The following IL7 variants were observed in gnomAD, a reference collection of about 807,000 sequenced individuals.
The protein encoded by IL7 is interleukin 7, also known as interleukin-7.
IL7 carries 3 observed loss-of-function variants against 21.6 expected under a neutral mutation model. The ratio of observed to expected loss-of-function variants is 0.14; its 90% CI spans 0.06 to 0.36. IL7 has a LOEUF of 0.36. Ranked by LOEUF, IL7 falls within the 10% of genes least tolerant of loss-of-function variation. The probability of loss-of-function intolerance (pLI) is 1.00; values close to 1 mark genes in which losing one functional copy is unlikely to be tolerated. For synonymous variants in IL7, 62 were observed against 68.1 expected, an observed-to-expected ratio of 0.91 and a Z score of 0.44; for missense variants, 175 against 200.2, an observed-to-expected ratio of 0.87 and a Z score of 0.76.
At chr8:78,689,078 TG>T (rs1810122053) in intron 3 of IL7, 5 of 445,136 alleles carry the variant, frequency 1.1e-5, no homozygotes, top group Non-Finnish European at 1.8e-5. Flanking sequence ...CAAGTAAAAC[TG>T]GGTAGTTATA....
intron 2 of IL7, among the ~76,000 whole-genome samples, chr8:78,796,455 A>C (rs766760585): frequency 3.9e-5 from 6 of 152,000 alleles, no homozygotes; most frequent in Non-Finnish European, 8.8e-5. Flanking sequence ...ACACACATAT[A>C]ATTATTTACA....
At chr8:78,714,453 T>C (rs1462231617), downstream of IL7, among the ~76,000 whole-genome samples, 2 of 152,194 alleles carry the variant, frequency 1.3e-5, no homozygotes, top group African/African-American at 4.8e-5. Flanking sequence ...GTACTTTTTT[T>C]CTCATAACCT....
chr8:78,700,177 T>C (rs1810554774), intron 3 of IL7, among the ~76,000 whole-genome samples: 1 of 152,254 alleles, frequency 6.6e-6, no homozygotes, highest in Non-Finnish European at 1.5e-5. Context: ...TGTGAGATAA[T>C]ACCTCATTGT....
At chr8:78,798,003 A>C in intron 2 of IL7, 69 bp downstream of exon 2, 1 of 1,248,566 alleles carries the variant, frequency 8.0e-7, no homozygotes, top group Non-Finnish European at 1.1e-6. Context: ...TGATTATAAA[A>C]CTGCATACCA....
intron 3 of IL7, among the ~76,000 whole-genome samples, chr8:78,726,971 G>A (rs1811350713): frequency 2.0e-5 from 3 of 151,954 alleles, no homozygotes; most frequent in South Asian, 4.1e-4. Context: ...AAGGGACAGA[G>A]ATCCTTTCAG....
At chr8:78,760,818 C>G in intron 2 of IL7, 1 of 1,546,500 alleles carries the variant, frequency 6.5e-7, no homozygotes, top group Non-Finnish European at 8.7e-7. Flanking sequence ...GTGGCTTCCT[C>G]AAACCAAAAT....
intron 3 of IL7, among the ~76,000 whole-genome samples, chr8:78,694,735 A>G (rs772044709): frequency 2.0e-5 from 3 of 152,136 alleles, no homozygotes; most frequent in Non-Finnish European, 4.4e-5. Context: ...ACTTTTTCCA[A>G]TTTCATTAGT....
intron 2 of IL7, among the ~76,000 whole-genome samples, chr8:78,797,188 T>A (rs998890994): frequency 6.6e-6 from 1 of 151,990 alleles, no homozygotes. Flanking sequence ...TCTAACTATA[T>A]GACATTCTAA....
chr8:78,755,347 T>C (rs1812313632), intron 2 of IL7, among the ~76,000 whole-genome samples: 1 of 152,146 alleles, frequency 6.6e-6, no homozygotes, highest in African/African-American at 2.4e-5. Context: ...GGACTGTTTT[T>C]TCTCTTTCTG....
rs141443912 is a variant in IL7, at chr8:78,784,149, C to T, written c.147+13923G>A. ...TGTTGTCGTTAGAAAGTGAGGCCTT[C>T]GGGAGGTAATTAAGTCATGAAGGTG... On this transcript the variant is annotated intron_variant, in intron 2 of 5. Coordinates refer to ENST00000263851, the MANE Select transcript of IL7 (RefSeq NM_000880.4). Among the ~76,000 whole-genome samples the T allele has an allele frequency of 2.2e-3, 332 of 152,196 alleles. 12 individuals are homozygous for T. In the East Asian group the frequency reaches 0.06, roughly 28 times the overall value.
intron 4 of IL7, among the ~76,000 whole-genome samples, chr8:78,678,332 G>T (rs1385073295): frequency 6.6e-6 from 1 of 152,114 alleles, no homozygotes; most frequent in African/African-American, 2.4e-5. Flanking sequence ...CATGTTAGAA[G>T]AGTGTTTATA....
chr8:78,729,596 G>GA (rs1811389234), downstream of IL7, among the ~76,000 whole-genome samples: 1 of 151,880 alleles, frequency 6.6e-6, no homozygotes. Flanking sequence ...CAGCTCTGGG[G>GA]ATGCCAGGCA....
chr8:78,692,682 A>G (rs1048062368), intron 3 of IL7, among the ~76,000 whole-genome samples: 8 of 152,000 alleles, frequency 5.3e-5, no homozygotes, highest in Non-Finnish European at 1.0e-4. Flanking sequence ...TACCTGTAGG[A>G]TGGTTATATA....
chr8:78,768,075 C>A (rs1293045334), intron 2 of IL7, among the ~76,000 whole-genome samples: 1 of 152,148 alleles, frequency 6.6e-6, no homozygotes, highest in Non-Finnish European at 1.5e-5. Context: ...CCAATTTCAT[C>A]CACGTCCCTA....
chr8:78,769,814 A>AT (rs1812891501), intron 2 of IL7, among the ~76,000 whole-genome samples: 1 of 152,216 alleles, frequency 6.6e-6, no homozygotes, highest in South Asian at 2.1e-4. Context: ...CCAAAACAAC[A>AT]TGATACTGGT....
chr8:78,704,941 C>G (rs1202732949), intron 3 of IL7, among the ~76,000 whole-genome samples: 1 of 152,154 alleles, frequency 6.6e-6, no homozygotes, highest in Non-Finnish European at 1.5e-5. Context: ...TGTTTTTCAG[C>G]TTTATCAGGT....
intron 2 of IL7, among the ~76,000 whole-genome samples, chr8:78,750,590 A>G (rs1812133683): frequency 6.6e-6 from 1 of 152,162 alleles, no homozygotes; most frequent in African/African-American, 2.4e-5. Flanking sequence ...TTGAGAGGCC[A>G]AGGCAGGCAG....
chr8:78,707,980 G>C (rs1487484769), intron 3 of IL7, among the ~76,000 whole-genome samples: 1 of 151,548 alleles, frequency 6.6e-6, no homozygotes, highest in Non-Finnish European at 1.5e-5. Flanking sequence ...AGAATGCCTA[G>C]GCTAACAAAA....
intron 2 of IL7, among the ~76,000 whole-genome samples, chr8:78,769,484 G>A (rs1362952656): frequency 6.6e-6 from 1 of 152,156 alleles, no homozygotes; most frequent in Non-Finnish European, 1.5e-5. Flanking sequence ...CAAGGGACGT[G>A]AAGGACCTCT....
Sources: allele counts gnomAD v4.1 joint callset (sites outside exome capture counted in the v4.1 genomes callset), GRCh38; gene constraint gnomAD v4.1.1; transcripts MANE v1.5; gene names NCBI Gene and HGNC (gene_info 2026-07-23, HGNC 2026-07-21).